Variants in DNAJC13 observed in about 807,000 individuals in gnomAD.
DNAJC13 encodes the protein DnaJ heat shock protein family (Hsp40) member C13.
Under a neutral mutation model 290.5 loss-of-function variants are expected in DNAJC13, and 75 were observed. The observed-to-expected ratio is 0.26, with a 90% confidence interval of 0.21 to 0.31. The LOEUF (loss-of-function observed/expected upper bound fraction) is 0.31, where lower values mean the gene tolerates loss of function less well. DNAJC13 is among the 10% of genes least tolerant of loss of function. DNAJC13 has a pLI of 1.00. For synonymous variants in DNAJC13, 862 were observed against 892.0 expected (o/e 0.97, Z 0.60); for missense variants, 2,260 against 2,674.5 (o/e 0.85, Z 3.42).
intron 33 of DNAJC13, among the ~76,000 whole-genome samples, chr3:132,493,193 A>G (rs560044793): frequency 2.4e-4 from 36 of 152,100 alleles, no homozygotes; most frequent in Admixed American, 7.2e-4. Flanking sequence ...AAAACAGTAT[A>G]TACACTGTTG....
chr3:132,525,564 T>G, intron 51 of DNAJC13, 46 bp from the exon 52 acceptor site: 1 of 1,587,246 alleles, frequency 6.3e-7, no homozygotes, highest in Non-Finnish European at 8.6e-7. Context: ...TATTTAGGGC[T>G]GTATGAGTAT....
At chr3:132,438,775 G>A (rs571031966) in intron 2 of DNAJC13, among the ~76,000 whole-genome samples, 12 of 152,248 alleles carry the variant, frequency 7.9e-5, no homozygotes, top group East Asian at 1.9e-4. Flanking sequence ...GTTGATCATC[G>A]GTATGGATGC....
intron 20 of DNAJC13, among the ~76,000 whole-genome samples, chr3:132,471,305 C>G (rs1205992370): frequency 6.9e-6 from 1 of 144,084 alleles, no homozygotes; most frequent in Non-Finnish European, 1.5e-5. Context: ...TGACCCCCCA[C>G]CTCCCTCCCG....
In DNAJC13 at chr3:132,463,695, G is replaced by A; in HGVS notation, c.1771-1G>A. On this transcript the variant is annotated splice_acceptor_variant, in intron 16 of 55. Coordinates refer to ENST00000260818, the MANE Select transcript of DNAJC13 (RefSeq NM_015268.4). LOFTEE classifies it high-confidence loss of function. ...GGGATCATCTTACCCTTTTTCCAAA[G>A]GAAGGTGATAAAGAAATTGCTACAA... The A allele has an allele frequency of 6.2e-7, 1 of 1,610,764 alleles. No individual in the cohort carries two copies. Among genetic ancestry groups the A allele is most frequent in the Non-Finnish European group, 8.5e-7 (1 of 1,178,354 alleles).
chr3:132,446,573 G>T, intron 3 of DNAJC13, 23 bp downstream of exon 3: 1 of 1,553,920 alleles, frequency 6.4e-7, no homozygotes. Context: ...GAAGCTGTTA[G>T]GTGTTTGTAT....
rs1461030034 is a variant in DNAJC13 at position 132,478,100 on chromosome 3, C to A, written c.2669C>A (p.Pro890His). 6.2e-7 allele frequency: 1 copy of A among 1,612,710 alleles called. No individual in the cohort carries two copies. The change falls in exon 24 of 56, where the codon CCT becomes CAT. Residue 890 changes from proline (P) to histidine (H), a missense_variant. Pro to His is a moderately conservative substitution (Grantham distance 77). Around this residue, in one of 3 missense-constraint regions of DNAJC13, gnomAD observed 1,494 missense variants for 1,693.7 expected, o/e 0.88. Transcript: ENST00000260818. ...GGCAGATGTCACGAAGAAATAGGAC[C>A]TTTTACAGATACCAGATATATCATT... ...VYGRCHEEIG[P>H]FTDTRYIIGM...
intron 43 of DNAJC13, among the ~76,000 whole-genome samples, chr3:132,508,826 C>G (rs1037646757): frequency 4.6e-5 from 7 of 152,180 alleles, no homozygotes; most frequent in Admixed American, 1.3e-4. Flanking sequence ...AAGAACAAAG[C>G]CTATATGACA....
At chr3:132,514,490 T>C (rs1935864569) in intron 45 of DNAJC13, 81 bp from the exon 46 acceptor site, 1 of 902,644 alleles carries the variant, frequency 1.1e-6, no homozygotes, top group South Asian at 1.7e-5. Context: ...TTTGTCTCAC[T>C]TGTACAGTCT....
intron 2 of DNAJC13, among the ~76,000 whole-genome samples, chr3:132,443,703 G>C (rs1260071352): frequency 6.6e-6 from 1 of 152,168 alleles, no homozygotes; most frequent in Non-Finnish European, 1.5e-5. Flanking sequence ...CTAAAAAGAG[G>C]AGCGGCATGG....
At chr3:132,494,572 A>G (rs1046957587) in intron 34 of DNAJC13, among the ~76,000 whole-genome samples, 19 of 152,150 alleles carry the variant, frequency 1.2e-4, no homozygotes, top group Non-Finnish European at 2.4e-4. Flanking sequence ...TCCTTTTGTA[A>G]TTTGTATTAT....
In DNAJC13 at chr3:132,480,469, A is replaced by G. The variant is rs779465940; in HGVS notation, c.2873A>G (p.Gln958Arg). 6 of 1,601,380 alleles carry G rather than the reference A, an allele frequency of 3.7e-6. No homozygotes were observed. In the Admixed American group the frequency reaches 8.4e-5, roughly 22 times the overall value. The change falls in exon 26 of 56, where the codon CAA (glutamine) becomes CGA (arginine). Residue 958 changes from glutamine to arginine, a missense_variant and splice_region_variant. Physicochemically the swap from Gln to Arg is conservative, Grantham distance 43 (BLOSUM62 1). Transcript: ENST00000260818. ...GTAAGCCGAGCTACAGTACCACTGC[A>G]AGTACGTATCCTTGTTTACGTTTTA... ...LHVSRATVPL[Q>R]SNVIEAAPDM...
intron 35 of DNAJC13, among the ~76,000 whole-genome samples, chr3:132,496,243 A>C (rs767754048): frequency 1.1e-4 from 17 of 152,168 alleles, no homozygotes; most frequent in Non-Finnish European, 2.5e-4. Flanking sequence ...TATAGACGCA[A>C]ACTCTCTCTA....
chr3:132,472,191 GT>G (rs1282783241), intron 20 of DNAJC13, among the ~76,000 whole-genome samples: 1 of 151,694 alleles, frequency 6.6e-6, no homozygotes, highest in Non-Finnish European at 1.5e-5. Context: ...CAGCAGTACA[GT>G]CCAGCTTCGG....
intron 2 of DNAJC13, among the ~76,000 whole-genome samples, chr3:132,436,642 C>T (rs985975637): frequency 1.2e-4 from 18 of 152,160 alleles, no homozygotes; most frequent in Admixed American, 7.9e-4. Flanking sequence ...TACATTTCCA[C>T]CTTCAATGTC....
intron 45 of DNAJC13, among the ~76,000 whole-genome samples, 159 bp from the exon 46 acceptor site, chr3:132,514,411 GA>G (rs1559907795): frequency 6.6e-6 from 1 of 152,084 alleles, no homozygotes; most frequent in Non-Finnish European, 1.5e-5. Context: ...TATTTCCAAA[GA>G]GATTAATAAA....
In DNAJC13 at chr3:132,488,373, C is replaced by G; in HGVS notation, c.3343C>G (p.Gln1115Glu). The change falls in exon 30 of 56, where the codon CAG (glutamine) becomes GAG (glutamate). Residue 1115 changes from glutamine to glutamate, a missense_variant. Physicochemically the swap from Gln to Glu is conservative, Grantham distance 29. This residue lies in a region of DNAJC13 where 1,494 missense variants were observed against 1,693.7 expected (regional missense o/e 0.88). Transcript: ENST00000260818. The part of the protein sequence containing the change: ...LLYHIMQDNP[Q>E]LPRLYLSGVF... Reference sequence around the variant, plus strand: ...ATACCATATCATGCAAGATAACCCACAGTTACCCCGCCTTTATCTGAGTGG... The same window carrying G: ...ATACCATATCATGCAAGATAACCCAGAGTTACCCCGCCTTTATCTGAGTGG... 6.2e-7 allele frequency: 1 copy of G among 1,613,694 alleles called. No homozygotes were observed. Among genetic ancestry groups the G allele is most frequent in the Non-Finnish European group, 8.5e-7 (1 of 1,179,782 alleles).
intron 1 of DNAJC13, among the ~76,000 whole-genome samples, chr3:132,422,789 C>A (rs1336268935): frequency 2.0e-5 from 3 of 152,056 alleles, no homozygotes; most frequent in African/African-American, 7.3e-5. Flanking sequence ...ATTCAATAGT[C>A]GACATATGGG....
At chr3:132,533,330 C>T (rs1047108760) in intron 55 of DNAJC13, among the ~76,000 whole-genome samples, 2 of 128,082 alleles carry the variant, frequency 1.6e-5, no homozygotes, top group African/African-American at 6.4e-5. Flanking sequence ...GCATGCCCGC[C>T]CTCTTTTTTT....
chr3:132,422,612 C>T (rs1251453867), intron 1 of DNAJC13, among the ~76,000 whole-genome samples: 1 of 152,174 alleles, frequency 6.6e-6, no homozygotes, highest in African/African-American at 2.4e-5. Flanking sequence ...CATAGGAACT[C>T]CTTTGAGAGT....
Sources: allele counts gnomAD v4.1 joint callset (sites outside exome capture counted in the v4.1 genomes callset), GRCh38; gene constraint gnomAD v4.1.1; regional missense constraint gnomAD v4.1.1; transcripts MANE v1.5; gene names NCBI Gene and HGNC (gene_info 2026-07-23, HGNC 2026-07-21).